Variants in PTK2 observed in about 807,000 individuals in gnomAD.
The protein encoded by PTK2 is focal adhesion kinase 1.
PTK2 carries 45 observed loss-of-function variants against 150.1 expected under a neutral mutation model. The ratio of observed to expected loss-of-function variants is 0.30; its 90% confidence interval spans 0.24 to 0.38. The LOEUF (loss-of-function observed/expected upper bound fraction) is 0.38. Ranked by LOEUF, PTK2 falls within the 10% of genes least tolerant of loss-of-function variation. The pLI, the probability that PTK2 is intolerant of heterozygous loss-of-function variation, is 1.00. For synonymous variants in PTK2, 432 were observed against 449.2 expected (o/e 0.96, Z 0.48); for missense variants, 919 against 1,307.3 (o/e 0.70, Z 4.58).
intron 22 of PTK2, among the ~76,000 whole-genome samples, chr8:140,719,523 G>A (rs1027299196): frequency 2.0e-4 from 30 of 152,204 alleles, no homozygotes; most frequent in African/African-American, 7.0e-4. Flanking sequence ...TCAGAAGAGC[G>A]CTCCCCTCCG....
chr8:140,709,783 C>G (rs753354612), intron 23 of PTK2, among the ~76,000 whole-genome samples: 6 of 152,034 alleles, frequency 3.9e-5, no homozygotes, highest in Non-Finnish European at 8.8e-5. Context: ...AAATATGGAA[C>G]AGGGAAGTTT....
chr8:140,684,915 A>G lies in PTK2; in HGVS notation c.2562+1717T>C, dbSNP rs111381612. Among the ~76,000 whole-genome samples the G allele has an allele frequency of 2.5e-3, 387 of 152,344 alleles. 7 individuals are homozygous for G. Among genetic ancestry groups the G allele is most frequent in the African/African-American group, 8.7e-3 (363 of 41,582 alleles). On this transcript the variant is annotated intron_variant, in intron 27 of 31. Coordinates refer to ENST00000522684, the Ensembl canonical transcript of PTK2. ...CTATTCTAAAATTCATATGGAACCA[A>G]AAAAGAGCCTGAATAGTCAAAGCAA...
Position 140,660,612 on chromosome 8 carries a change from G to A in PTK2, c.2947-934C>T. On this transcript the variant is annotated intron_variant, in intron 31 of 31. Coordinates refer to ENST00000522684, the Ensembl canonical transcript of PTK2. ...ATGGTGGTGTGCACCTGTATTCCAAGCTACTCAGGAGGCTGACGTGGGAGG... is the reference window on the plus strand; with the variant it reads ...ATGGTGGTGTGCACCTGTATTCCAAACTACTCAGGAGGCTGACGTGGGAGG... 6 of 455,280 alleles carry A rather than the reference G, an allele frequency of 1.3e-5. No individual in the cohort carries two copies. In the Middle Eastern group the frequency reaches 2.0e-3, roughly 155 times the overall value. 28.2% of individuals were successfully genotyped at this position (455,280 alleles called of 1,614,324 possible). A position where few individuals can be genotyped will look rare whatever the true frequency, so the allele number is the denominator to read the frequency against.
intron 1 of PTK2, among the ~76,000 whole-genome samples, chr8:140,989,681 G>C (rs2100194917): frequency 6.6e-6 from 1 of 152,074 alleles, no homozygotes; most frequent in East Asian, 1.9e-4. Context: ...GGCCGAGGCG[G>C]GCGGATCACC....
At chr8:140,838,200 G>A (rs898038445) in intron 7 of PTK2, among the ~76,000 whole-genome samples, 1 of 152,176 alleles carries the variant, frequency 6.6e-6, no homozygotes, top group Non-Finnish European at 1.5e-5. Flanking sequence ...AGGAAAAAGA[G>A]AACCATGAAA....
At chr8:140,749,793 T>C (rs983213951) in intron 17 of PTK2, among the ~76,000 whole-genome samples, 2 of 152,210 alleles carry the variant, frequency 1.3e-5, no homozygotes, top group East Asian at 3.8e-4. Flanking sequence ...ACACTACATC[T>C]ATCACATTTC....
intron 2 of PTK2, among the ~76,000 whole-genome samples, chr8:140,910,010 G>GT (rs1184897700): frequency 8.6e-5 from 13 of 151,704 alleles, no homozygotes; most frequent in Admixed American, 7.2e-4. Context: ...AAAAATATGG[G>GT]TTTTTTTCTA....
At chr8:140,975,175 A>T (rs1422504310) in intron 1 of PTK2, among the ~76,000 whole-genome samples, 1 of 152,188 alleles carries the variant, frequency 6.6e-6, no homozygotes, top group Non-Finnish European at 1.5e-5. Context: ...ACTAAATAAC[A>T]GCAGGTGAGC....
chr8:140,984,172 C>CA (rs1555499273), intron 1 of PTK2: 36 of 150,642 alleles, frequency 2.4e-4, no homozygotes, highest in East Asian at 6.0e-4. Context: ...CAAAAAAAAA[C>CA]AAAAAAAAAA....
chr8:140,879,296 G>A, intron 4 of PTK2, 175 bp downstream of exon 4: 5 of 567,156 alleles, frequency 8.8e-6, no homozygotes, highest in Non-Finnish European at 1.4e-5. Flanking sequence ...CCAAAAGCTA[G>A]ACTAGAGGTC....
chr8:140,722,948 T>A (rs1489970975), intron 22 of PTK2, among the ~76,000 whole-genome samples: 1 of 152,214 alleles, frequency 6.6e-6, no homozygotes, highest in Non-Finnish European at 1.5e-5. Flanking sequence ...TCAGGCAATG[T>A]TATTTCACAC....
At chr8:140,793,866 T>C (rs60937169) in intron 12 of PTK2, among the ~76,000 whole-genome samples, 4,370 of 152,270 alleles carry the variant, frequency 0.029, 223 homozygotes, top group African/African-American at 0.1. Flanking sequence ...GGAGCTGTCA[T>C]CTAAAGGAGC....
chr8:140,683,628 A>T (rs184707516), intron 27 of PTK2, among the ~76,000 whole-genome samples: 1 of 152,324 alleles, frequency 6.6e-6, no homozygotes, highest in African/African-American at 2.4e-5. Flanking sequence ...CGAATCCAGC[A>T]GCAGCACAAC....
chr8:140,729,295 A>G (rs753942748), intron 22 of PTK2, among the ~76,000 whole-genome samples: 26 of 152,208 alleles, frequency 1.7e-4, no homozygotes, highest in Admixed American at 6.5e-4. Context: ...CCCCAGCTGG[A>G]GTGAAAGCTC....
intron 24 of PTK2, among the ~76,000 whole-genome samples, chr8:140,705,678 A>T (rs1484618886): frequency 6.6e-6 from 1 of 152,178 alleles, no homozygotes; most frequent in Non-Finnish European, 1.5e-5. Context: ...TTGAAGGATA[A>T]TTTTTTCTAA....
Position 140,715,155 on chromosome 8 carries a change from G to GTT in PTK2, c.2142+2441_2142+2442dup, listed in dbSNP as rs67306225. On this transcript the variant is annotated intron_variant, in intron 23 of 31. Coordinates refer to ENST00000522684, the Ensembl canonical transcript of PTK2. ...AGATGATTTTCTAGCCATTAAAACCGTTTTTTTTTTTTTTTTTTTTTTTTT... is the reference window on the plus strand; with the variant it reads ...AGATGATTTTCTAGCCATTAAAACCGTTTTTTTTTTTTTTTTTTTTTTTTTTT... 8.6e-4 allele frequency among the ~76,000 whole-genome samples: 48 copies of GTT among 56,000 alleles called. 2 individuals are homozygous for GTT. Among genetic ancestry groups the GTT allele is most frequent in the Non-Finnish European group, 1.2e-3 (35 of 29,654 alleles). The allele number at this position is 56,000 out of a possible 152,430, so 36.7% of individuals were successfully genotyped here.
chr8:140,959,277 TCC>T (rs1178561045), intron 1 of PTK2, among the ~76,000 whole-genome samples: 2 of 151,582 alleles, frequency 1.3e-5, no homozygotes, highest in Non-Finnish European at 2.9e-5. Context: ...ACGCCTGTAA[TCC>T]CAGCACTTTG....
At chr8:140,787,728 T>C (rs2100085765) in intron 14 of PTK2, among the ~76,000 whole-genome samples, 1 of 152,248 alleles carries the variant, frequency 6.6e-6, no homozygotes, top group Non-Finnish European at 1.5e-5. Flanking sequence ...TAATGGGACA[T>C]TTCCCTTCTC....
chr8:140,660,708 A>G, intron 31 of PTK2: 1 of 439,942 alleles, frequency 2.3e-6, no homozygotes, highest in Non-Finnish European at 4.6e-6. Context: ...CCTGGGTGAC[A>G]GAGCCAGACC....
Sources: allele counts gnomAD v4.1 joint callset (sites outside exome capture counted in the v4.1 genomes callset), GRCh38; gene constraint gnomAD v4.1.1; transcripts MANE v1.5; gene names NCBI Gene and HGNC (gene_info 2026-07-23, HGNC 2026-07-21).